Variants in PDE4B observed in about 807,000 individuals in gnomAD.
PDE4B encodes phosphodiesterase 4B, also known as 3',5'-cyclic-AMP phosphodiesterase 4B.
PDE4B carries 20 observed loss-of-function variants against 82.2 expected under a neutral mutation model. The ratio of observed to expected loss-of-function variants is 0.24; its 90% CI spans 0.17 to 0.35. The LOEUF is 0.35. PDE4B is among the 10% of genes least tolerant of loss of function. The pLI is 1.00. For missense variants in PDE4B, 655 were observed against 907.2 expected (o/e 0.72, Z 3.57); for synonymous variants, 320 against 318.9 (o/e 1.00, Z -0.04).
At chr1:65,869,195 A>G (rs572039304) in intron 1 of PDE4B, among the ~76,000 whole-genome samples, 3 of 152,338 alleles carry the variant, frequency 2.0e-5, no homozygotes, top group Admixed American at 6.5e-5. Context: ...TTTCAGATAC[A>G]ATCTATCCCA....
At chr1:65,840,904 T>C (rs1201781346) in intron 1 of PDE4B, among the ~76,000 whole-genome samples, 1 of 152,236 alleles carries the variant, frequency 6.6e-6, no homozygotes, top group African/African-American at 2.4e-5. Flanking sequence ...TTGAGTCATT[T>C]TGGGCTTCTC....
At chr1:66,358,386 A>G (rs1662437976) in intron 9 of PDE4B, among the ~76,000 whole-genome samples, 1 of 152,214 alleles carries the variant, frequency 6.6e-6, no homozygotes, top group Non-Finnish European at 1.5e-5. Context: ...TAAAATGTTT[A>G]TTAACAGGCC....
chr1:65,799,109 TAGTATATCAC>T (rs1645666587), intron 1 of PDE4B, among the ~76,000 whole-genome samples: 3 of 152,206 alleles, frequency 2.0e-5, no homozygotes, highest in Admixed American at 6.5e-5. Flanking sequence ...TTGGCTCTCC[TAGTATATCAC>T]AGTGCTGACT....
In PDE4B at chr1:66,373,166, A is replaced by T. The variant is rs1235584072; in HGVS notation, c.*488A>T. The T allele has an allele frequency of 6.5e-6, 1 of 153,966 alleles. No homozygotes were observed. The highest frequency in any genetic ancestry group is 1.5e-5 in the Non-Finnish European group (1 of 68,916). 9.5% of individuals were successfully genotyped at this position (153,966 alleles called of 1,614,324 possible). A position where few individuals can be genotyped will look rare whatever the true frequency, so the allele number is the denominator to read the frequency against. On this transcript the variant is annotated 3_prime_UTR_variant, in exon 17 of 17. Transcript: ENST00000341517. ...AACTTCTACACAGATAAGCTTTCAA[A>T]GTTGACAAACTTTTTTGACTCTTTC...
chr1:65,953,833 C>A (rs1649123488), intron 3 of PDE4B, among the ~76,000 whole-genome samples: 1 of 151,784 alleles, frequency 6.6e-6, no homozygotes, highest in Non-Finnish European at 1.5e-5. Context: ...AACAAATGGT[C>A]TTTGAATGAC....
intron 1 of PDE4B, among the ~76,000 whole-genome samples, chr1:65,855,627 C>A (rs1260436183): frequency 6.6e-6 from 1 of 152,176 alleles, no homozygotes; most frequent in African/African-American, 2.4e-5. Flanking sequence ...CATTTCACCC[C>A]GCATAGGTAT....
chr1:66,317,548 G>C (rs1659111450), intron 7 of PDE4B, among the ~76,000 whole-genome samples: 1 of 152,154 alleles, frequency 6.6e-6, no homozygotes, highest in South Asian at 2.1e-4. Context: ...TCCCACTGAA[G>C]GGTGCCTCAA....
chr1:65,796,646 CTTTTTTTT>C (rs71058429), intron 1 of PDE4B, among the ~76,000 whole-genome samples: 8 of 76,306 alleles, frequency 1.0e-4, no homozygotes, highest in African/African-American at 3.8e-4. Flanking sequence ...CTTGCTGAAA[CTTTTTTTT>C]TTTTTTTTTT....
chr1:65,993,475 G>A (rs1176936884), intron 3 of PDE4B, among the ~76,000 whole-genome samples: 1 of 152,076 alleles, frequency 6.6e-6, no homozygotes, highest in Non-Finnish European at 1.5e-5. Flanking sequence ...GAGGTGGTAG[G>A]TGACTTTTTT....
chr1:65,874,425 A>G (rs948544618), intron 1 of PDE4B, among the ~76,000 whole-genome samples: 1 of 152,128 alleles, frequency 6.6e-6, no homozygotes, highest in Non-Finnish European at 1.5e-5. Context: ...CTCCTGCCTA[A>G]TTGCCCTGGC....
At chr1:65,848,775 A>C (rs1399445500) in intron 1 of PDE4B, among the ~76,000 whole-genome samples, 1 of 152,130 alleles carries the variant, frequency 6.6e-6, no homozygotes, top group Non-Finnish European at 1.5e-5. Flanking sequence ...CAAATCATTC[A>C]TCCATTTACC....
intron 3 of PDE4B, among the ~76,000 whole-genome samples, chr1:66,101,829 T>C (rs1290155314): frequency 6.6e-6 from 1 of 152,156 alleles, no homozygotes; most frequent in Non-Finnish European, 1.5e-5. Context: ...AGAAGCTCTT[T>C]AGTTTAATTA....
chr1:66,098,142 G>T (rs1329979169), intron 3 of PDE4B, among the ~76,000 whole-genome samples: 1 of 152,060 alleles, frequency 6.6e-6, no homozygotes, highest in Non-Finnish European at 1.5e-5. Flanking sequence ...TCAGCATTGG[G>T]TAGTTTCCTC....
At chr1:65,828,949 C>G (rs565455757) in intron 1 of PDE4B, among the ~76,000 whole-genome samples, 2 of 152,102 alleles carry the variant, frequency 1.3e-5, no homozygotes, top group South Asian at 2.1e-4. Flanking sequence ...TATATAAACT[C>G]AACCAGATTA....
At chr1:65,970,684 A>G (rs1650082578) in intron 3 of PDE4B, among the ~76,000 whole-genome samples, 1 of 152,150 alleles carries the variant, frequency 6.6e-6, no homozygotes, top group Non-Finnish European at 1.5e-5. Context: ...ACCAACCTGG[A>G]GGCATCAGTG....
chr1:66,321,557 C>T (rs989577444), intron 7 of PDE4B, among the ~76,000 whole-genome samples: 6 of 152,152 alleles, frequency 3.9e-5, no homozygotes, highest in Admixed American at 3.3e-4. Context: ...AAAATCAAGG[C>T]ATTGGCAGGT....
In PDE4B at chr1:65,867,234, A is replaced by G. The variant is rs147332778; in HGVS notation, c.-70-46011A>G. 3.6e-3 allele frequency among the ~76,000 whole-genome samples: 549 copies of G among 152,290 alleles called. 4 individuals carry two copies. Among genetic ancestry groups the G allele is most frequent in the African/African-American group, 0.013 (524 of 41,550 alleles). On this transcript the variant is annotated intron_variant, in intron 1 of 16. Transcript: ENST00000341517. ...AAAGGGACATTTAAATGAGACGATAAGGACCAAATGATGGACTATTAGACT... is the reference window on the plus strand; with the variant it reads ...AAAGGGACATTTAAATGAGACGATAGGGACCAAATGATGGACTATTAGACT...
chr1:66,129,973 A>C (rs1645906561), intron 3 of PDE4B, among the ~76,000 whole-genome samples: 1 of 152,250 alleles, frequency 6.6e-6, no homozygotes, highest in Non-Finnish European at 1.5e-5. Context: ...ATCATCTAAA[A>C]AACAGAAGTT....
chr1:66,269,556 C>T (rs759579574), intron 7 of PDE4B, among the ~76,000 whole-genome samples: 7 of 152,150 alleles, frequency 4.6e-5, no homozygotes, highest in Admixed American at 1.3e-4. Context: ...GGCAGGAACT[C>T]GAATTCTGTC....
Sources: allele counts gnomAD v4.1 joint callset (sites outside exome capture counted in the v4.1 genomes callset), GRCh38; gene constraint gnomAD v4.1.1; transcripts MANE v1.5; gene names NCBI Gene and HGNC (gene_info 2026-07-23, HGNC 2026-07-21).